EHBP1: variants seen among roughly 807,000 people sequenced by gnomAD.
The protein encoded by EHBP1 is EH domain-binding protein 1.
In EHBP1, 55 loss-of-function variants were observed where a neutral mutation model predicts 144.0. The observed-to-expected ratio is 0.38, with a 90% CI of 0.31 to 0.48. The LOEUF (loss-of-function observed/expected upper bound fraction) is 0.48, where lower values mean the gene tolerates loss of function less well. Among genes scored for constraint, EHBP1 ranks in the 20% least tolerant of loss-of-function variants. The pLI is 0.98. For synonymous variants in EHBP1, 469 were observed against 472.7 expected (o/e 0.99, Z 0.10); for missense variants, 1,200 against 1,364.2 (o/e 0.88, Z 1.90).
intron 21 of EHBP1, among the ~76,000 whole-genome samples, chr2:63,040,465 A>G (rs893838574): frequency 6.6e-6 from 1 of 152,150 alleles, no homozygotes; most frequent in Non-Finnish European, 1.5e-5. Flanking sequence ...TACCAGATTT[A>G]CAGTGTTAAA....
chr2:62,895,134 A>T lies in EHBP1; in HGVS notation c.1185+20602A>T, dbSNP rs2052795017. On this transcript the variant is annotated intron_variant, in intron 10 of 22. Coordinates refer to ENST00000431489, the MANE Select transcript of EHBP1 (RefSeq NM_001142616.3). The stretch of plus-strand genomic sequence containing the variant: ...AGGAACAGATAACTAGTGGTTGCCC[A>T]GGGGTAGGGAGGGGTACAGAGGAGT... Among the ~76,000 whole-genome samples the T allele has an allele frequency of 2.0e-5, 3 of 152,196 alleles. No individual in the cohort carries two copies. The East Asian group carries it at 5.8e-4, about 29-fold the overall frequency.
Position 62,858,376 on chromosome 2 carries a change from A to G in EHBP1, c.635-793A>G, listed in dbSNP as rs573660508. On this transcript the variant is annotated intron_variant, in intron 7 of 22. Transcript: ENST00000431489. Reference sequence around the variant, plus strand: ...CTCTTTAATTAAATGACCTTACCTTATATTTGTCTTGACTGGCTTCTGTTT... The same window carrying G: ...CTCTTTAATTAAATGACCTTACCTTGTATTTGTCTTGACTGGCTTCTGTTT... 41 of 1,457,436 alleles carry G rather than the reference A, an allele frequency of 2.8e-5. No individual in the cohort carries two copies. In the South Asian group the frequency reaches 4.5e-4, roughly 16 times the overall value. 90.3% of individuals were successfully genotyped at this position (1,457,436 alleles called of 1,614,324 possible).
intron 3 of EHBP1, among the ~76,000 whole-genome samples, chr2:62,755,631 A>G (rs934499103): frequency 3.4e-4 from 52 of 152,322 alleles, no homozygotes; most frequent in African/African-American, 1.2e-3. Flanking sequence ...GAGCAGCAGC[A>G]TCTTTAAAGC....
intron 10 of EHBP1, among the ~76,000 whole-genome samples, chr2:62,900,682 G>GTA (rs1445035888): frequency 8.0e-4 from 115 of 144,438 alleles, no homozygotes; most frequent in African/African-American, 3.1e-3. Context: ...GTGTGTGTAT[G>GTA]TGTATATATA....
intron 14 of EHBP1, among the ~76,000 whole-genome samples, chr2:62,974,583 GT>G (rs2058635553): frequency 6.6e-6 from 1 of 152,158 alleles, no homozygotes; most frequent in East Asian, 1.9e-4. Flanking sequence ...CTATTTTGTT[GT>G]TTTCTTGCTG....
upstream of EHBP1, among the ~76,000 whole-genome samples, chr2:62,704,853 G>T (rs1051754041): frequency 6.6e-6 from 1 of 152,140 alleles, no homozygotes; most frequent in Admixed American, 6.5e-5. Flanking sequence ...TAACAAGATT[G>T]AGTGTCCCTG....
intron 9 of EHBP1, among the ~76,000 whole-genome samples, chr2:62,873,053 A>G (rs1387208738): frequency 1.3e-5 from 2 of 152,198 alleles, no homozygotes; most frequent in Admixed American, 1.3e-4. Flanking sequence ...GTCCTAAAGT[A>G]CTTGGCAAAT....
chr2:62,988,271 A>G, intron 15 of EHBP1, among the ~76,000 whole-genome samples: 1 of 152,084 alleles, frequency 6.6e-6, no homozygotes, highest in Non-Finnish European at 1.5e-5. Flanking sequence ...TTCTCTTGTT[A>G]CTAAGATTCA....
intron 14 of EHBP1, among the ~76,000 whole-genome samples, chr2:62,963,634 A>G (rs2058102576): frequency 6.6e-6 from 1 of 152,240 alleles, no homozygotes; most frequent in Admixed American, 6.5e-5. Flanking sequence ...CATATTATCA[A>G]TTCTACTGTT....
At position 62,990,819 on chromosome 2, in the gene EHBP1, G is replaced by T; in HGVS notation, c.2712G>T (p.Glu904Asp). Residue 904 changes from glutamate (E) to aspartate (D), a missense_variant, in exon 16 of 23, where the codon GAG (glutamate) becomes GAT (aspartate). Physicochemically the swap from Glu to Asp is conservative, Grantham distance 45. This residue lies in a region of EHBP1 where 543 missense variants were observed against 513.1 expected (regional missense o/e 1.06). Transcript: ENST00000431489. The part of the protein sequence containing the change: ...PSSAAQKAVT[E>D]SSEQDMKSGT... The stretch of plus-strand genomic sequence containing the variant: ...GTGCTGCCCAGAAAGCTGTAACTGA[G>T]AGCTCAGAGCAGGACATGAAAGTAA... 3 of 1,613,650 alleles carry T rather than the reference G, an allele frequency of 1.9e-6. No homozygotes were observed. Among genetic ancestry groups the T allele is most frequent in the Non-Finnish European group, 2.5e-6 (3 of 1,179,718 alleles).
chr2:62,729,211 C>G (rs2037146281), intron 2 of EHBP1, among the ~76,000 whole-genome samples: 1 of 144,698 alleles, frequency 6.9e-6, no homozygotes, highest in African/African-American at 2.5e-5. Context: ...TTTTCCTCAA[C>G]AGCTACAAAG....
intron 1 of EHBP1, among the ~76,000 whole-genome samples, chr2:62,687,803 C>T (rs920909230): frequency 2.0e-5 from 3 of 152,070 alleles, no homozygotes; most frequent in Non-Finnish European, 4.4e-5. Flanking sequence ...ATCAAGGAGA[C>T]AAGAGTTAGT....
At chr2:62,729,586 A>C (rs1319533100) in intron 2 of EHBP1, among the ~76,000 whole-genome samples, 1 of 129,348 alleles carries the variant, frequency 7.7e-6, no homozygotes, top group Admixed American at 9.1e-5. Context: ...TAAATATAAT[A>C]ATAATATATA....
chr2:62,809,292 GAAAAA>G (rs985494969), intron 5 of EHBP1, among the ~76,000 whole-genome samples: 4 of 46,574 alleles, frequency 8.6e-5, no homozygotes, highest in Non-Finnish European at 1.8e-4. Context: ...CTATGTCTCA[GAAAAA>G]AAAAAAAAAA....
intron 3 of EHBP1, among the ~76,000 whole-genome samples, chr2:62,758,924 G>T (rs2040529330): frequency 6.6e-6 from 1 of 152,072 alleles, no homozygotes; most frequent in Non-Finnish European, 1.5e-5. Flanking sequence ...AAAATTGTCA[G>T]TTTAAAAACT....
At chr2:62,770,989 A>G (rs1020192905) in intron 4 of EHBP1, among the ~76,000 whole-genome samples, 1 of 152,086 alleles carries the variant, frequency 6.6e-6, no homozygotes, top group Non-Finnish European at 1.5e-5. Flanking sequence ...AACAACAGAC[A>G]CTGCGGCCTA....
chr2:62,993,917 TGAG>T lies in EHBP1; in HGVS notation c.2923_2925del (p.Glu975del), dbSNP rs775071020. Reference sequence around the variant, plus strand: ...TACAGGAAGATACAAAGAAAGGAAATGAGGAGAAGGCAGCGATAACTGAAACTC... The same window carrying T: ...TACAGGAAGATACAAAGAAAGGAAATGAGAAGGCAGCGATAACTGAAACTC... On this transcript the variant is annotated inframe_deletion, in exon 18 of 23. Transcript: ENST00000431489. The T allele has an allele frequency of 1.3e-5, 20 of 1,593,916 alleles. No homozygotes were observed. The highest frequency in any genetic ancestry group is 4.5e-5 in the East Asian group (2 of 44,306).
chr2:62,972,352 C>G (rs2153176836), intron 14 of EHBP1, among the ~76,000 whole-genome samples: 1 of 152,224 alleles, frequency 6.6e-6, no homozygotes, highest in South Asian at 2.1e-4. Flanking sequence ...TAGACATAAA[C>G]AGTGTGGCTA....
intron 5 of EHBP1, among the ~76,000 whole-genome samples, chr2:62,780,960 C>A (rs951608424): frequency 1.3e-5 from 2 of 152,072 alleles, no homozygotes; most frequent in African/African-American, 2.4e-5. Context: ...TCAAGTACTG[C>A]AATAGTATAA....
Sources: allele counts gnomAD v4.1 joint callset (sites outside exome capture counted in the v4.1 genomes callset), GRCh38; gene constraint gnomAD v4.1.1; regional missense constraint gnomAD v4.1.1; transcripts MANE v1.5; gene names NCBI Gene and HGNC (gene_info 2026-07-23, HGNC 2026-07-21).